The following RCL1 variants were observed in gnomAD, a reference collection of about 807,000 sequenced individuals.
The protein encoded by RCL1 is RNA 3'-terminal phosphate cyclase-like protein.
RCL1 carries 24 observed loss-of-function variants against 42.4 expected under a neutral mutation model. The observed-to-expected ratio is 0.57, with a 90% CI of 0.41 to 0.80. RCL1 has a LOEUF of 0.80. Ranked by LOEUF, RCL1 falls within the 30% of genes least tolerant of loss-of-function variation. The probability of loss-of-function intolerance (pLI) is 0.00; values close to 1 mark genes in which losing one functional copy is unlikely to be tolerated. For synonymous variants in RCL1, 228 were observed against 177.3 expected, an observed-to-expected ratio of 1.29 and a Z score of -2.27; for missense variants, 578 against 467.9, an observed-to-expected ratio of 1.24 and a Z score of -2.17.
intron 1 of RCL1, among the ~76,000 whole-genome samples, chr9:4,796,773 C>A (rs1417699118): frequency 6.6e-6 from 1 of 152,042 alleles, no homozygotes; most frequent in Non-Finnish European, 1.5e-5. Flanking sequence ...TCTAGTCAAC[C>A]ATTGGTGGAC....
intron 1 of RCL1, among the ~76,000 whole-genome samples, chr9:4,812,204 C>G (rs898003326): frequency 1.3e-5 from 2 of 152,054 alleles, no homozygotes; most frequent in Non-Finnish European, 2.9e-5. Context: ...TTGCTTTTGC[C>G]TAGTTTTTCT....
intron 3 of RCL1, among the ~76,000 whole-genome samples, chr9:4,829,042 G>C (rs1169706248): frequency 6.6e-6 from 1 of 152,128 alleles, no homozygotes; most frequent in Non-Finnish European, 1.5e-5. Context: ...TCTACTCTCT[G>C]TGTACAAGGA....
chr9:4,817,882 C>T (rs1297217523), intron 1 of RCL1, among the ~76,000 whole-genome samples: 73 of 136,970 alleles, frequency 5.3e-4, no homozygotes, highest in African/African-American at 1.9e-3. Context: ...TTTCTAAACT[C>T]TCAGTTCATT....
Position 4,849,504 on chromosome 9 carries a change from C to T in RCL1, c.925C>T (p.Gln309Ter). 2 of 1,614,110 alleles carry T rather than the reference C, an allele frequency of 1.2e-6. No homozygotes were observed. Among genetic ancestry groups the T allele is most frequent in the Non-Finnish European group, 8.5e-7 (1 of 1,179,986 alleles). ...GGCGCTACTACTCATGACCCTTGGA[C>T]AGCAGGATGTTTCCAAAGTCCTGCT... ...SLALLLMTLG[Q>*]QDVSKVLLGP... Residue 309 changes from glutamine (Q) to a stop codon, truncating the protein, a stop_gained, in exon 8 of 9, where the codon CAG (glutamine) becomes TAG (stop). Coordinates refer to ENST00000381750, the MANE Select transcript of RCL1 (RefSeq NM_005772.5). LOFTEE classifies it high-confidence loss of function.
intron 3 of RCL1, chr9:4,827,362 C>A (rs1313646108): frequency 1.0e-6 from 1 of 964,626 alleles, no homozygotes; most frequent in Non-Finnish European, 1.5e-6. Flanking sequence ...TTTGTAAGAT[C>A]CTGTGGTAGC....
intron 8 of RCL1, among the ~76,000 whole-genome samples, chr9:4,854,112 G>A (rs982527080): frequency 2.0e-5 from 3 of 152,186 alleles, no homozygotes. Flanking sequence ...CATAATTGGT[G>A]TATGGTAAAA....
At chr9:4,832,307 C>T (rs545396904) in intron 3 of RCL1, among the ~76,000 whole-genome samples, 13 of 152,186 alleles carry the variant, frequency 8.5e-5, no homozygotes, top group South Asian at 2.1e-4. Context: ...GTCATCACCC[C>T]GACTCCCCAA....
rs1817783915 is a variant in RCL1, at chr9:4,852,432, T to C, written c.971+2882T>C. 4.6e-5 allele frequency among the ~76,000 whole-genome samples: 7 copies of C among 152,276 alleles called. No homozygotes were observed. The South Asian group carries it at 1.5e-3, about 32-fold the overall frequency. On this transcript the variant is annotated intron_variant, in intron 8 of 8. Coordinates refer to ENST00000381750, the MANE Select transcript of RCL1 (RefSeq NM_005772.5). ...TTAAGATGCATCTTAATTAGCACTTTCAGAAATTATTTGTGGAATGAGACT... is the reference window on the plus strand; with the variant it reads ...TTAAGATGCATCTTAATTAGCACTTCCAGAAATTATTTGTGGAATGAGACT...
At chr9:4,810,355 C>A (rs1215771690) in intron 1 of RCL1, among the ~76,000 whole-genome samples, 1 of 152,086 alleles carries the variant, frequency 6.6e-6, no homozygotes, top group Non-Finnish European at 1.5e-5. Flanking sequence ...CTCCCACTGC[C>A]AAGGTAAGCA....
intron 1 of RCL1, among the ~76,000 whole-genome samples, chr9:4,810,145 A>G (rs1816122031): frequency 6.6e-6 from 1 of 152,200 alleles, no homozygotes; most frequent in Non-Finnish European, 1.5e-5. Flanking sequence ...GTATTTTTAA[A>G]GGTATTTTTT....
intron 3 of RCL1, among the ~76,000 whole-genome samples, chr9:4,827,982 C>T (rs1037428886): frequency 4.0e-5 from 6 of 151,842 alleles, no homozygotes; most frequent in African/African-American, 9.7e-5. Context: ...GTCAGGAGAT[C>T]GAGACCAGCC....
intron 1 of RCL1, among the ~76,000 whole-genome samples, chr9:4,820,922 G>A (rs922357374): frequency 6.6e-6 from 1 of 152,174 alleles, no homozygotes; most frequent in Non-Finnish European, 1.5e-5. Flanking sequence ...TTCACGAACA[G>A]CATCCTTAGT....
At chr9:4,824,891 C>T (rs1007158314) in intron 2 of RCL1, among the ~76,000 whole-genome samples, 2 of 152,084 alleles carry the variant, frequency 1.3e-5, no homozygotes, top group African/African-American at 4.8e-5. Context: ...ATTGGTGATC[C>T]AGAAGACGGA....
chr9:4,810,837 A>G (rs1029629048), intron 1 of RCL1, among the ~76,000 whole-genome samples: 3 of 152,170 alleles, frequency 2.0e-5, no homozygotes, highest in East Asian at 3.9e-4. Context: ...GTAGTCATTC[A>G]TTGTGGTTTT....
chr9:4,822,842 A>G (rs1312089769), intron 1 of RCL1, among the ~76,000 whole-genome samples: 2 of 152,134 alleles, frequency 1.3e-5, no homozygotes, highest in Non-Finnish European at 2.9e-5. Context: ...AACTTTTAAT[A>G]TAAAATTAAA....
rs780856398 is a variant in RCL1 at position 4,823,565 on chromosome 9, A to G, written c.154A>G (p.Ile52Val). 2 of 1,611,354 alleles carry G rather than the reference A, an allele frequency of 1.2e-6. No homozygotes were observed. The highest frequency in any genetic ancestry group is 1.7e-6 in the Non-Finnish European group (2 of 1,178,990). The change falls in exon 2 of 9, where the codon ATA becomes GTA. Residue 52 changes from isoleucine (I) to valine (V), a missense_variant. Physicochemically the swap from Ile to Val is conservative, Grantham distance 29. Coordinates refer to ENST00000381750, the MANE Select transcript of RCL1 (RefSeq NM_005772.5). ...PGLRDFEASF[I>V]RLLDKITNGS... ...CTTCACAGATTTTGAAGCCAGCTTC[A>G]TAAGGCTATTGGACAAAATAACGAA...
At position 4,844,679 on chromosome 9, in the gene RCL1, A is replaced by C; in HGVS notation, c.865A>C (p.Arg289=). 2 of 1,612,536 alleles carry C rather than the reference A, an allele frequency of 1.2e-6. No individual in the cohort carries two copies. The highest frequency in any genetic ancestry group is 1.7e-6 in the Non-Finnish European group (2 of 1,179,624). The change falls in exon 7 of 9, where the codon AGG becomes CGG. Residue 289 remains arginine (R), a splice_region_variant and synonymous_variant. Transcript: ENST00000381750. The stretch of plus-strand genomic sequence containing the variant: ...CCGGCTGCTGCTGGAGGAAATCTAC[A>C]GGGTATGTCCACAGCTTCCTCTGAT... ...CARLLLEEIY[R]GGCVDSTNQS... is the part of the protein sequence containing the mutation.
chr9:4,852,037 G>A (rs576844735), intron 8 of RCL1, among the ~76,000 whole-genome samples: 215 of 151,946 alleles, frequency 1.4e-3, no homozygotes, highest in Non-Finnish European at 2.5e-3. Context: ...ACCCGCCACC[G>A]TGCCTGGCTA....
At chr9:4,835,317 C>G (rs1049833432) in intron 5 of RCL1, among the ~76,000 whole-genome samples, 14 of 152,162 alleles carry the variant, frequency 9.2e-5, no homozygotes, top group African/African-American at 3.4e-4. Flanking sequence ...ATAAACAAAA[C>G]ATAGCTTCCT....
Sources: allele counts gnomAD v4.1 joint callset (sites outside exome capture counted in the v4.1 genomes callset), GRCh38; gene constraint gnomAD v4.1.1; transcripts MANE v1.5; gene names NCBI Gene and HGNC (gene_info 2026-07-23, HGNC 2026-07-21).